Variants in RYR3 observed in about 807,000 individuals in gnomAD.
The protein encoded by RYR3 is brain ryanodine receptor-calcium release channel.
Under a neutral mutation model 584.3 loss-of-function variants are expected in RYR3, and 207 were observed. The ratio of observed to expected loss-of-function variants is 0.35; its 90% CI spans 0.32 to 0.40. The LOEUF (loss-of-function observed/expected upper bound fraction) is 0.40, where lower values mean the gene tolerates loss of function less well. Among genes scored for constraint, RYR3 ranks in the 10% least tolerant of loss-of-function variants. The pLI is 1.00. For missense variants in RYR3, 5,616 were observed against 6,089.2 expected, an observed-to-expected ratio of 0.92 and a Z score of 2.59; for synonymous variants, 2,416 against 2,248.5, an observed-to-expected ratio of 1.07 and a Z score of -2.11.
chr15:33,499,959 G>A (rs1054681739), intron 2 of RYR3, among the ~76,000 whole-genome samples: 5 of 152,198 alleles, frequency 3.3e-5, no homozygotes, highest in African/African-American at 1.2e-4. Flanking sequence ...AAGACGTGTT[G>A]AATAACAGGC....
At chr15:33,411,003 A>G (rs999985072) in intron 1 of RYR3, among the ~76,000 whole-genome samples, 1 of 152,166 alleles carries the variant, frequency 6.6e-6, no homozygotes, top group Non-Finnish European at 1.5e-5. Context: ...GTATGGGGGA[A>G]ACTGCCCCAT....
Position 33,696,425 on chromosome 15 carries a change from A to T in RYR3, c.6068A>T (p.Gln2023Leu). The change falls in exon 39 of 104, where the codon CAA becomes CTA. Residue 2023 changes from glutamine to leucine, a missense_variant. Gln to Leu is a moderately radical substitution (Grantham distance 113). Coordinates refer to ENST00000634891, the MANE Select transcript of RYR3 (RefSeq NM_001036.6). ...ATCAACCTGCTGGCTGCCCTGGGCC[A>T]AATCCGCTCCCTCCTCAGTGTCAGG... ...DTINLLAALGQIRSLLSVRMG... is the reference protein window; with the variant it reads ...DTINLLAALGLIRSLLSVRMG... 6.2e-7 allele frequency: 1 copy of T among 1,613,984 alleles called. No homozygotes were observed. The highest frequency in any genetic ancestry group is 8.5e-7 in the Non-Finnish European group (1 of 1,179,892).
intron 43 of RYR3, among the ~76,000 whole-genome samples, chr15:33,714,957 TGAGAC>T (rs1287893999): frequency 6.6e-6 from 1 of 152,196 alleles, no homozygotes; most frequent in Non-Finnish European, 1.5e-5. Context: ...TAGTGACACA[TGAGAC>T]ATTGGCATGC....
chr15:33,609,629 G>A (rs2060073374), intron 18 of RYR3, among the ~76,000 whole-genome samples: 1 of 152,076 alleles, frequency 6.6e-6, no homozygotes, highest in Admixed American at 6.6e-5. Context: ...CTCCAGCCTG[G>A]GTGACAGAGT....
intron 1 of RYR3, among the ~76,000 whole-genome samples, chr15:33,349,059 T>C (rs1178506333): frequency 6.6e-6 from 1 of 151,746 alleles, no homozygotes; most frequent in Admixed American, 6.6e-5. Flanking sequence ...CTTAGCAATA[T>C]GCACTTAAGG....
chr15:33,504,889 C>T (rs965234308), intron 3 of RYR3, among the ~76,000 whole-genome samples: 29 of 152,346 alleles, frequency 1.9e-4, no homozygotes, highest in African/African-American at 5.8e-4. Flanking sequence ...GTAATCCCTA[C>T]GTATCCTTCA....
At position 33,845,069 on chromosome 15, in the gene RYR3, T is replaced by A; in HGVS notation, c.13497+7T>A. On this transcript the variant is annotated splice_region_variant and intron_variant, in intron 93 of 103. Coordinates refer to ENST00000634891, the MANE Select transcript of RYR3 (RefSeq NM_001036.6). ...GGGCTACTACTGCCTGAAGGTGAGC[T>A]GTTTGCCACTCTGGATCTAATCTCA... The A allele has an allele frequency of 1.9e-6, 3 of 1,613,512 alleles. No individual in the cohort carries two copies. Among genetic ancestry groups the A allele is most frequent in the South Asian group, 1.1e-5 (1 of 90,988 alleles).
At chr15:33,473,140 A>G (rs1436430690) in intron 1 of RYR3, among the ~76,000 whole-genome samples, 6 of 152,106 alleles carry the variant, frequency 3.9e-5, no homozygotes, top group Non-Finnish European at 8.8e-5. Context: ...CACCTAGACC[A>G]TATGCTTTGC....
intron 38 of RYR3, 135 bp from the exon 39 acceptor site, chr15:33,696,083 C>T: frequency 1.3e-6 from 1 of 755,022 alleles, no homozygotes; most frequent in Non-Finnish European, 2.1e-6. Context: ...GCATGAGCCA[C>T]TGCACATTGC....
chr15:33,662,217 A>C lies in RYR3; in HGVS notation c.4687A>C (p.Arg1563=). The C allele has an allele frequency of 6.2e-7, 1 of 1,608,768 alleles. No individual in the cohort carries two copies. Among genetic ancestry groups the C allele is most frequent in the South Asian group, 1.1e-5 (1 of 89,702 alleles). Residue 1563 remains arginine (R), a synonymous_variant, in exon 35 of 104, where the codon AGG becomes CGG. Coordinates refer to ENST00000634891, the MANE Select transcript of RYR3 (RefSeq NM_001036.6). The part of the protein sequence containing the change: ...DLMRFHYHTL[R]LYSAVCALGN... ...GATGCGGTTCCATTACCACACGCTG[A>C]GGCTCTACAGCGCGGTGTGCGCCCT...
intron 81 of RYR3, among the ~76,000 whole-genome samples, chr15:33,823,788 A>G (rs979432243): frequency 3.9e-5 from 6 of 152,236 alleles, no homozygotes; most frequent in African/African-American, 9.6e-5. Context: ...TAAGATTCAT[A>G]TGTATTTGGA....
intron 36 of RYR3, among the ~76,000 whole-genome samples, chr15:33,668,398 A>G (rs2063617771): frequency 6.6e-6 from 1 of 152,106 alleles, no homozygotes; most frequent in Non-Finnish European, 1.5e-5. Flanking sequence ...TGTAGAGTAT[A>G]AAAGTATATA....
In RYR3 at chr15:33,802,117, G is replaced by A. The variant is rs779019582; in HGVS notation, c.10011+156G>A. The A allele has an allele frequency of 2.2e-5, 17 of 764,158 alleles. No individual in the cohort carries two copies. In the South Asian group the frequency reaches 2.3e-4, roughly 10 times the overall value. 47.3% of individuals were successfully genotyped at this position (764,158 alleles called of 1,614,324 possible). On this transcript the variant is annotated intron_variant, in intron 69 of 103. Transcript: ENST00000634891. ...CTGCTGTTTCTTTGAGAACGAGCCA[G>A]AAGAAACTGCTCTCAAATAAGCATG... is the stretch of plus-strand genomic sequence containing the variant.
chr15:33,403,256 G>C (rs1036483239), intron 1 of RYR3, among the ~76,000 whole-genome samples: 1 of 152,256 alleles, frequency 6.6e-6, no homozygotes, highest in African/African-American at 2.4e-5. Flanking sequence ...AAGGCAATGT[G>C]CAATGATACT....
chr15:33,426,287 AT>A lies in RYR3; in HGVS notation c.52-47124del, dbSNP rs757278733. Among the ~76,000 whole-genome samples, 8 of 152,022 alleles carry A rather than the reference AT, an allele frequency of 5.3e-5. No homozygotes were observed. In the South Asian group the frequency reaches 8.3e-4, roughly 16 times the overall value. Reference sequence around the variant, plus strand: ...GAAATTACTGAGTTGAAAAATGTTAATTTTTTTTAAGAAAACGTGGCAAATG... The same window carrying A: ...GAAATTACTGAGTTGAAAAATGTTAATTTTTTTAAGAAAACGTGGCAAATG... On this transcript the variant is annotated intron_variant, in intron 1 of 103. Transcript: ENST00000634891.
intron 1 of RYR3, among the ~76,000 whole-genome samples, chr15:33,326,105 A>G (rs551471262): frequency 6.6e-6 from 1 of 152,146 alleles, no homozygotes; most frequent in African/African-American, 2.4e-5. Context: ...TGCCCGGCCT[A>G]TTTCTTTCTT....
At chr15:33,648,901 T>A (rs2062269443) in intron 30 of RYR3, among the ~76,000 whole-genome samples, 171 bp from the exon 31 acceptor site, 1 of 152,236 alleles carries the variant, frequency 6.6e-6, no homozygotes, top group Admixed American at 6.5e-5. Flanking sequence ...GAATCCCTAT[T>A]CAGCCTTCCT....
intron 3 of RYR3, among the ~76,000 whole-genome samples, chr15:33,505,323 A>G (rs1023626066): frequency 4.6e-5 from 7 of 152,132 alleles, no homozygotes; most frequent in Non-Finnish European, 5.9e-5. Flanking sequence ...TTATAGCAGT[A>G]TGCTTTAGTA....
At position 33,859,738 on chromosome 15, in the gene RYR3, T is replaced by C; in HGVS notation, c.14299+7T>C. On this transcript the variant is annotated splice_region_variant and intron_variant, in intron 100 of 103. Coordinates refer to ENST00000634891, the MANE Select transcript of RYR3 (RefSeq NM_001036.6). ...TTGCTGGCCATCATTCAAGGTATGA[T>C]TGCCAATTGTGTTGAGTATGAACAG... The C allele has an allele frequency of 6.2e-7, 1 of 1,602,742 alleles. No homozygotes were observed. Among genetic ancestry groups the C allele is most frequent in the Non-Finnish European group, 8.5e-7 (1 of 1,173,630 alleles).
Sources: allele counts gnomAD v4.1 joint callset (sites outside exome capture counted in the v4.1 genomes callset), GRCh38; gene constraint gnomAD v4.1.1; transcripts MANE v1.5; gene names NCBI Gene and HGNC (gene_info 2026-07-23, HGNC 2026-07-21).